Variants in ADGRL2 observed in about 807,000 individuals in gnomAD.
The protein encoded by ADGRL2 is calcium-independent alpha-latrotoxin receptor 2.
Under a neutral mutation model 157.4 loss-of-function variants are expected in ADGRL2, and 44 were observed. That is an observed-to-expected ratio of 0.28 (90% CI 0.22 to 0.36). ADGRL2 has a LOEUF of 0.36. ADGRL2 is among the 10% of genes least tolerant of loss of function. ADGRL2 has a pLI of 1.00. For synonymous variants in ADGRL2, 585 were observed against 624.7 expected (o/e 0.94, Z 0.95); for missense variants, 1,510 against 1,768.9 (o/e 0.85, Z 2.63).
chr1:81,659,052 A>ATTT (rs55832240), intron 3 of ADGRL2, among the ~76,000 whole-genome samples: 1,058 of 60,574 alleles, frequency 0.017, 115 homozygotes, highest in African/African-American at 0.068. Flanking sequence ...ACACCCAGCA[A>ATTT]TTTTTTTTTT....
In ADGRL2 at chr1:81,592,374, GA is replaced by G. The variant is rs1340496082; in HGVS notation, c.-143+11396del. Among the ~76,000 whole-genome samples the G allele has an allele frequency of 1.8e-4, 27 of 152,322 alleles. No individual in the cohort carries two copies. The East Asian group carries it at 5.2e-3, about 29-fold the overall frequency. On this transcript the variant is annotated intron_variant, in intron 3 of 24. Coordinates refer to the ADGRL2 transcript ENST00000370721. The stretch of plus-strand genomic sequence containing the variant: ...TCCGATAAAATGTTATTTACAAAAA[GA>G]AGTGAGTTGGGTTTGGCCTACAGCC...
At chr1:81,492,118 G>A (rs374880678) in intron 2 of ADGRL2, among the ~76,000 whole-genome samples, 2 of 151,990 alleles carry the variant, frequency 1.3e-5, no homozygotes, top group African/African-American at 4.8e-5. Flanking sequence ...TTATAACTTT[G>A]TTTCTTTCTA....
chr1:81,390,360 A>G (rs972648118), intron 1 of ADGRL2, among the ~76,000 whole-genome samples: 1 of 152,422 alleles, frequency 6.6e-6, no homozygotes, highest in African/African-American at 2.4e-5. Flanking sequence ...GGAGAGCTGC[A>G]GAATAACTGC....
At chr1:81,972,332 C>T (rs188256875) in intron 17 of ADGRL2, among the ~76,000 whole-genome samples, 90 of 151,988 alleles carry the variant, frequency 5.9e-4, no homozygotes, top group African/African-American at 2.1e-3. Context: ...AAATGAATAT[C>T]CACATCCTCA....
At chr1:81,575,236 G>T (rs2080774419) in intron 2 of ADGRL2, among the ~76,000 whole-genome samples, 1 of 152,166 alleles carries the variant, frequency 6.6e-6, no homozygotes, top group African/African-American at 2.4e-5. Flanking sequence ...TAGTAATTCT[G>T]CTGAGGTCAC....
Position 81,417,751 on chromosome 1 carries a change from T to G in ADGRL2, c.-301-27285T>G, listed in dbSNP as rs2077057058. Among the ~76,000 whole-genome samples, 3 of 152,226 alleles carry G rather than the reference T, an allele frequency of 2.0e-5. No homozygotes were observed. In the South Asian group the frequency reaches 6.2e-4, roughly 31 times the overall value. ...TTCTAAGGTTGGTAGGTCATTTCTT[T>G]AACAAGATTTGATATATTTCTAATC... On this transcript the variant is annotated intron_variant, in intron 1 of 24. Coordinates refer to the ADGRL2 transcript ENST00000370721.
At chr1:81,989,508 C>T (rs1310039249) in intron 23 of ADGRL2, 3 of 612,596 alleles carry the variant, frequency 4.9e-6, no homozygotes, top group East Asian at 5.7e-5. Context: ...GTACCAAATA[C>T]TCAAAATAAT....
intron 2 of ADGRL2, among the ~76,000 whole-genome samples, chr1:81,493,228 T>A (rs1277142234): frequency 1.3e-5 from 2 of 152,174 alleles, no homozygotes; most frequent in Non-Finnish European, 2.9e-5. Flanking sequence ...TAAAACTAAA[T>A]GCAATAGCAT....
At chr1:81,587,624 A>C (rs1355782338) in intron 3 of ADGRL2, among the ~76,000 whole-genome samples, 1 of 152,190 alleles carries the variant, frequency 6.6e-6, no homozygotes, top group Non-Finnish European at 1.5e-5. Context: ...GTTATGCTAA[A>C]GAGTGGGGAC....
intron 2 of ADGRL2, among the ~76,000 whole-genome samples, chr1:81,851,625 T>C (rs1287020489): frequency 1.3e-5 from 2 of 151,886 alleles, no homozygotes; most frequent in Non-Finnish European, 2.9e-5. Context: ...TAATGACTTT[T>C]GGCTCTTTTT....
At chr1:81,374,180 C>G (rs2076206901) in intron 1 of ADGRL2, among the ~76,000 whole-genome samples, 1 of 151,998 alleles carries the variant, frequency 6.6e-6, no homozygotes, top group East Asian at 1.9e-4. Flanking sequence ...ATATGTATTC[C>G]ATCCATTTAC....
intron 1 of ADGRL2, among the ~76,000 whole-genome samples, chr1:81,755,977 C>T (rs2085675849): frequency 6.6e-6 from 1 of 152,146 alleles, no homozygotes; most frequent in African/African-American, 2.4e-5. Flanking sequence ...CTCATTTTAA[C>T]AAGGTCCCCA....
rs557607899 is a variant in ADGRL2, at chr1:81,481,186, G to C, written c.-248+36097G>C. ...TAGATACTAGAAATTGTTTGTGAAA[G>C]TAATGGAGGAGCTAATTGAGATTTC... On this transcript the variant is annotated intron_variant, in intron 2 of 24. Coordinates refer to the ADGRL2 transcript ENST00000370721. Among the ~76,000 whole-genome samples, 73 of 152,314 alleles carry C rather than the reference G, an allele frequency of 4.8e-4. 1 individual carries two copies. Among genetic ancestry groups the C allele is most frequent in the South Asian group, 1.5e-3 (7 of 4,814 alleles).
At chr1:81,744,980 A>G (rs1485810008) in intron 1 of ADGRL2, among the ~76,000 whole-genome samples, 1 of 152,180 alleles carries the variant, frequency 6.6e-6, no homozygotes, top group East Asian at 1.9e-4. Context: ...TTTGATAACA[A>G]ACCAAAGTAC....
intron 1 of ADGRL2, among the ~76,000 whole-genome samples, chr1:81,746,879 C>T (rs1030317215): frequency 4.0e-5 from 6 of 149,980 alleles, no homozygotes; most frequent in Non-Finnish European, 5.9e-5. Context: ...TATATACACA[C>T]GTGCACACGT....
At chr1:81,513,756 T>C (rs2079121873) in intron 2 of ADGRL2, 1 of 152,190 alleles carries the variant, frequency 6.6e-6, no homozygotes, top group Non-Finnish European at 1.5e-5. Context: ...TTCCCTTGAC[T>C]GAATCTTTAA....
upstream of ADGRL2, among the ~76,000 whole-genome samples, chr1:81,799,691 A>G (rs1332630589): frequency 3.3e-5 from 5 of 152,218 alleles, no homozygotes; most frequent in Admixed American, 1.3e-4. Flanking sequence ...TGCAGCACCA[A>G]AAAGTACCTA....
chr1:81,639,549 A>C (rs1366960633), intron 3 of ADGRL2, among the ~76,000 whole-genome samples: 1 of 149,308 alleles, frequency 6.7e-6, no homozygotes, highest in African/African-American at 2.4e-5. Context: ...ACAAAAAAAA[A>C]AAAAAAAAAA....
intron 3 of ADGRL2, among the ~76,000 whole-genome samples, chr1:81,640,333 T>A (rs1327263833): frequency 6.6e-6 from 1 of 151,870 alleles, no homozygotes; most frequent in Non-Finnish European, 1.5e-5. Flanking sequence ...AAGGAGAAAT[T>A]GTCAAATAAA....
Sources: allele counts gnomAD v4.1 joint callset (sites outside exome capture counted in the v4.1 genomes callset), GRCh38; gene constraint gnomAD v4.1.1; transcripts MANE v1.5; gene names NCBI Gene and HGNC (gene_info 2026-07-23, HGNC 2026-07-21).